Variants in CDH11 observed in about 807,000 individuals in gnomAD.
CDH11 encodes cadherin-11.
A neutral mutation model predicts 67.8 loss-of-function variants in CDH11; 11 were observed. The observed-to-expected ratio is 0.16, with a 90% CI of 0.10 to 0.27. CDH11 has a LOEUF of 0.27. CDH11 is among the 10% of genes least tolerant of loss of function. CDH11 has a pLI of 1.00. For synonymous variants in CDH11, 419 were observed against 400.0 expected, an observed-to-expected ratio of 1.05 and a Z score of -0.57; for missense variants, 847 against 1,031.2, an observed-to-expected ratio of 0.82 and a Z score of 2.45.
At chr16:65,100,712 C>T (rs1428804243) in intron 1 of CDH11, among the ~76,000 whole-genome samples, 20 of 142,470 alleles carry the variant, frequency 1.4e-4, no homozygotes, top group Non-Finnish European at 1.5e-4. Flanking sequence ...CACTCCAGCC[C>T]GGGTGACAGA....
chr16:65,054,305 A>C (rs746707400), intron 1 of CDH11, among the ~76,000 whole-genome samples: 2 of 152,184 alleles, frequency 1.3e-5, no homozygotes. Context: ...CTATGTTCCA[A>C]AGCCAAAGCA....
At chr16:65,097,046 T>C (rs2074910681) in intron 1 of CDH11, among the ~76,000 whole-genome samples, 1 of 152,214 alleles carries the variant, frequency 6.6e-6, no homozygotes, top group Non-Finnish European at 1.5e-5. Flanking sequence ...GAAGACTATG[T>C]GGATAATATC....
chr16:64,971,821 G>T, intron 10 of CDH11, 110 bp downstream of exon 10: 3 of 1,416,824 alleles, frequency 2.1e-6, no homozygotes, highest in Non-Finnish European at 3.0e-6. Flanking sequence ...CAAAACTATG[G>T]CTCTGAAACC....
At chr16:64,986,912 C>T (rs959817543) in intron 7 of CDH11, 1 of 152,138 alleles carries the variant, frequency 6.6e-6, no homozygotes, top group Admixed American at 6.5e-5. Flanking sequence ...CCTTGCTCCC[C>T]CACCTGAAAG....
rs568183407 is a variant in CDH11 at position 65,109,649 on chromosome 16, G to A, written c.-298+12231C>T. ...AGAGTTCCTATGTATTCCAGCTTTT[G>A]AGATTTTTGCATTGGCTCCTTGGCT... On this transcript the variant is annotated intron_variant, in intron 1 of 12. Transcript: ENST00000268603. Among the ~76,000 whole-genome samples, 33 of 152,268 alleles carry A rather than the reference G, an allele frequency of 2.2e-4. 1 individual carries two copies. In the South Asian group the frequency reaches 6.6e-3, roughly 31 times the overall value.
At chr16:65,108,513 TGAA>T (rs1441541882) in intron 1 of CDH11, among the ~76,000 whole-genome samples, 4 of 152,220 alleles carry the variant, frequency 2.6e-5, no homozygotes, top group African/African-American at 9.6e-5. Context: ...GCAGTGTCTA[TGAA>T]GAAGAAGGTG....
At chr16:65,022,754 C>G (rs981669818) in intron 2 of CDH11, among the ~76,000 whole-genome samples, 1 of 152,136 alleles carries the variant, frequency 6.6e-6, no homozygotes, top group African/African-American at 2.4e-5. Context: ...AATCAGCCAA[C>G]AATATCAAAT....
intron 8 of CDH11, among the ~76,000 whole-genome samples, chr16:64,980,169 T>C (rs2072293352): frequency 6.6e-6 from 1 of 152,032 alleles, no homozygotes; most frequent in Admixed American, 6.6e-5. Context: ...AACATCTTCA[T>C]GAAATATACT....
rs1270760325 is a variant in CDH11 at position 65,053,898 on chromosome 16, C to T, written c.-267G>A. On this transcript the variant is annotated 5_prime_UTR_variant, in exon 2 of 13. In the 5' UTR this introduces an upstream ATG that the reference lacks. Transcript: ENST00000268603. ...CAAATGACAACACGAAGGAATGTCA[C>T]AGGGCCGCTGAGCTGAAAACACAGT... is the stretch of plus-strand genomic sequence containing the variant. The T allele has an allele frequency of 2.2e-6, 1 of 456,078 alleles. No homozygotes were observed. The highest frequency in any genetic ancestry group is 1.5e-5 in the South Asian group (1 of 64,556). The allele number at this position is 456,078 out of a possible 1,614,324, so 28.3% of individuals were successfully genotyped here.
chr16:65,082,824 C>T lies in CDH11; in HGVS notation c.-297-28896G>A, dbSNP rs186944016. ...ATTTTCTTTACCTATTTTGATGTTG[C>T]TTTTAACAGCCCAAACCATTACCTT... On this transcript the variant is annotated intron_variant, in intron 1 of 12. Transcript: ENST00000268603. Among the ~76,000 whole-genome samples the T allele has an allele frequency of 1.4e-4, 22 of 152,160 alleles. No individual in the cohort carries two copies. In the East Asian group the frequency reaches 4.1e-3, roughly 28 times the overall value.
intron 11 of CDH11, among the ~76,000 whole-genome samples, chr16:64,955,775 G>A (rs1033465769): frequency 3.9e-5 from 6 of 152,062 alleles, no homozygotes; most frequent in African/African-American, 1.4e-4. Flanking sequence ...AGCTACTATG[G>A]TCAGGAACTT....
chr16:64,955,064 G>A (rs1302965727), intron 11 of CDH11, among the ~76,000 whole-genome samples: 3 of 151,974 alleles, frequency 2.0e-5, no homozygotes, highest in Non-Finnish European at 2.9e-5. Context: ...GGCTAATGCG[G>A]TGAAACACCG....
At chr16:65,066,718 T>A (rs557519515) in intron 1 of CDH11, among the ~76,000 whole-genome samples, 1 of 152,290 alleles carries the variant, frequency 6.6e-6, no homozygotes, top group African/African-American at 2.4e-5. Flanking sequence ...GTTTGAACAT[T>A]TTGTTGTTTT....
chr16:64,977,463 C>T (rs2072203148), intron 8 of CDH11, among the ~76,000 whole-genome samples: 1 of 152,148 alleles, frequency 6.6e-6, no homozygotes, highest in Admixed American at 6.5e-5. Flanking sequence ...ACAGTCACTG[C>T]TCTTCTAAAA....
In CDH11 at chr16:64,951,015, T is replaced by C; in HGVS notation, c.1646A>G (p.Asn549Ser). The C allele has an allele frequency of 3.7e-6, 6 of 1,612,014 alleles. No individual in the cohort carries two copies. The highest frequency in any genetic ancestry group is 5.1e-6 in the Non-Finnish European group (6 of 1,178,604). Reference protein sequence around the residue: ...PNFTVRDNRDNTAGVYARRGG... With the variant: ...PNFTVRDNRDSTAGVYARRGG... Reference sequence around the variant, plus strand: ...ACGCCGGGCGTACACGCCTGCTGTGTTATCTGCAGAAAGAGGGGAGACAGG... The same window carrying C: ...ACGCCGGGCGTACACGCCTGCTGTGCTATCTGCAGAAAGAGGGGAGACAGG... The change falls in exon 12 of 13, where the codon AAC becomes AGC. Residue 549 changes from asparagine to serine, a missense_variant. Asn to Ser is a conservative substitution (Grantham distance 46, BLOSUM62 1). This residue lies in a region of CDH11 where 612 missense variants were observed against 678.7 expected (regional missense o/e 0.90). Transcript: ENST00000268603.
At chr16:64,956,089 G>A (rs1005727828) in intron 11 of CDH11, among the ~76,000 whole-genome samples, 1 of 152,154 alleles carries the variant, frequency 6.6e-6, no homozygotes, top group Non-Finnish European at 1.5e-5. Context: ...AGACTTCCTA[G>A]ATCTTTTTCT....
At chr16:64,992,789 C>T in intron 5 of CDH11, 126 bp downstream of exon 5, 3 of 784,902 alleles carry the variant, frequency 3.8e-6, no homozygotes, top group East Asian at 2.7e-5. Context: ...CTCACACTAA[C>T]CCTATAGGGT....
chr16:64,948,199 T>C (rs2071245676), intron 12 of CDH11, 100 bp from the exon 13 acceptor site: 1 of 1,435,920 alleles, frequency 7.0e-7, no homozygotes, highest in South Asian at 1.4e-5. Context: ...GAGGTATAAA[T>C]GCTCAGAACA....
intron 1 of CDH11, among the ~76,000 whole-genome samples, chr16:65,073,405 C>T (rs1262683029): frequency 6.6e-6 from 1 of 152,148 alleles, no homozygotes; most frequent in Non-Finnish European, 1.5e-5. Context: ...CTCAGCCTCC[C>T]GAGTAGCTGG....
Sources: allele counts gnomAD v4.1 joint callset (sites outside exome capture counted in the v4.1 genomes callset), GRCh38; gene constraint gnomAD v4.1.1; regional missense constraint gnomAD v4.1.1; transcripts MANE v1.5; gene names NCBI Gene and HGNC (gene_info 2026-07-23, HGNC 2026-07-21).